Variants in HSPA12A observed in about 807,000 individuals in gnomAD.
The protein encoded by HSPA12A is heat shock protein family A (Hsp70) member 12A.
In HSPA12A, 28 loss-of-function variants were observed where a neutral mutation model predicts 69.2. The observed-to-expected ratio is 0.40, with a 90% confidence interval of 0.30 to 0.55. The LOEUF (loss-of-function observed/expected upper bound fraction) is 0.55. HSPA12A is among the 20% of genes least tolerant of loss of function. The pLI, the probability that HSPA12A is intolerant of heterozygous loss-of-function variation, is 0.38. For missense variants in HSPA12A, 686 were observed against 900.7 expected (o/e 0.76, Z 3.05); for synonymous variants, 345 against 370.5 (o/e 0.93, Z 0.79).
At position 116,732,741 on chromosome 10, in the gene HSPA12A, C is replaced by A. The variant is rs576197739; in HGVS notation, c.40+9689G>T. 2.6e-5 allele frequency among the ~76,000 whole-genome samples: 4 copies of A among 152,320 alleles called. No individual in the cohort carries two copies. In the East Asian group the frequency reaches 7.7e-4, roughly 29 times the overall value. ...TAAAATGTAACTCCTGCTGGAGGGACAAGTCATGAATTTGTTAACGGCAAG... is the reference window on the plus strand; with the variant it reads ...TAAAATGTAACTCCTGCTGGAGGGAAAAGTCATGAATTTGTTAACGGCAAG... On this transcript the variant is annotated intron_variant, in intron 1 of 11. Coordinates refer to ENST00000369209, the MANE Select transcript of HSPA12A (RefSeq NM_025015.3).
intron 5 of HSPA12A, among the ~76,000 whole-genome samples, chr10:116,694,491 C>G (rs931312719): frequency 3.3e-5 from 5 of 152,218 alleles, no homozygotes; most frequent in East Asian, 3.9e-4. Flanking sequence ...GAGGAATTCA[C>G]AAACAACCAC....
chr10:116,776,104 T>C (rs1844331500), intron 2 of HSPA12A, among the ~76,000 whole-genome samples: 1 of 152,164 alleles, frequency 6.6e-6, no homozygotes, highest in African/African-American at 2.4e-5. Context: ...CCAAGACAAG[T>C]GCCACTGCTC....
intron 6 of HSPA12A, among the ~76,000 whole-genome samples, chr10:116,687,606 G>A (rs1425294857): frequency 6.6e-6 from 1 of 152,036 alleles, no homozygotes; most frequent in African/African-American, 2.4e-5. Context: ...TTTCTCTCTG[G>A]GCAGGAGGAC....
chr10:116,747,878 A>T (rs1851684784), intron 2 of HSPA12A, among the ~76,000 whole-genome samples: 1 of 152,198 alleles, frequency 6.6e-6, no homozygotes, highest in Non-Finnish European at 1.5e-5. Context: ...GCGTGCCTGT[A>T]ATCTCAGCTA....
At chr10:116,843,270 A>C (rs1845832055) in intron 1 of HSPA12A, among the ~76,000 whole-genome samples, 1 of 152,214 alleles carries the variant, frequency 6.6e-6, no homozygotes, top group Non-Finnish European at 1.5e-5. Flanking sequence ...AGGCATAATC[A>C]CCTCAAAAGC....
chr10:116,719,742 C>T (rs1281448891), intron 1 of HSPA12A, among the ~76,000 whole-genome samples: 1 of 152,166 alleles, frequency 6.6e-6, no homozygotes, highest in Non-Finnish European at 1.5e-5. Context: ...CTCATATTAT[C>T]TTATTAAACA....
chr10:116,725,336 G>A (rs1255133220), intron 1 of HSPA12A, among the ~76,000 whole-genome samples: 4 of 152,158 alleles, frequency 2.6e-5, no homozygotes, highest in African/African-American at 7.2e-5. Flanking sequence ...CAGGCCTCAC[G>A]CTGGGCCTCC....
chr10:116,790,305 G>A (rs976673150), intron 2 of HSPA12A, among the ~76,000 whole-genome samples: 6 of 151,622 alleles, frequency 4.0e-5, no homozygotes, highest in African/African-American at 1.2e-4. Context: ...GGGTTTCACC[G>A]TGTTAGCCAG....
At chr10:116,749,686 G>C (rs1317236684) in intron 2 of HSPA12A, among the ~76,000 whole-genome samples, 2 of 152,136 alleles carry the variant, frequency 1.3e-5, no homozygotes, top group Non-Finnish European at 2.9e-5. Context: ...CTCTCCTCTC[G>C]CTTGACTCAT....
chr10:116,674,908 G>T lies in HSPA12A; in HGVS notation c.1901C>A (p.Thr634Asn), dbSNP rs1554877334. The T allele has an allele frequency of 6.2e-7, 1 of 1,614,180 alleles. No individual in the cohort carries two copies. ...GATCTCCCTCCGGGCGGGCACCGCA[G>T]TGCCACTGGTCCCTGTGAGATCCAG... ...LRLDLTGTSGTAVPARREIQT... is the reference protein window; with the variant it reads ...LRLDLTGTSGNAVPARREIQT... The change falls in exon 12 of 12, where the codon ACT becomes AAT. Residue 634 changes from threonine to asparagine, a missense_variant. Coordinates refer to ENST00000369209, the MANE Select transcript of HSPA12A (RefSeq NM_025015.3).
intron 2 of HSPA12A, among the ~76,000 whole-genome samples, chr10:116,827,722 C>T (rs973097902): frequency 6.6e-6 from 1 of 152,184 alleles, no homozygotes; most frequent in South Asian, 2.1e-4. Context: ...TGAAGTGCTC[C>T]GAACTGCCCC....
At chr10:116,750,479 G>T in intron 2 of HSPA12A, 1 of 526,370 alleles carries the variant, frequency 1.9e-6, no homozygotes, top group East Asian at 3.4e-5. Flanking sequence ...TAATGCAGAA[G>T]TGCATCGAAA....
intron 5 of HSPA12A, among the ~76,000 whole-genome samples, chr10:116,696,921 C>G (rs1402727835): frequency 6.6e-6 from 1 of 152,114 alleles, no homozygotes; most frequent in South Asian, 2.1e-4. Context: ...CACCCTGCCC[C>G]GAATCCACCT....
chr10:116,806,453 C>T (rs1325243656), intron 2 of HSPA12A, among the ~76,000 whole-genome samples: 1 of 152,124 alleles, frequency 6.6e-6, no homozygotes, highest in East Asian at 1.9e-4. Flanking sequence ...GCAGTCTACC[C>T]ACCTCGGCCT....
upstream of HSPA12A, among the ~76,000 whole-genome samples, chr10:116,744,777 A>G (rs1554887694): frequency 6.6e-6 from 1 of 152,214 alleles, no homozygotes; most frequent in Non-Finnish European, 1.5e-5. Flanking sequence ...AGGAGAGGAA[A>G]AGGAAGCATT....
chr10:116,738,392 A>G (rs1176549181), intron 1 of HSPA12A, among the ~76,000 whole-genome samples: 1 of 152,204 alleles, frequency 6.6e-6, no homozygotes, highest in Non-Finnish European at 1.5e-5. Context: ...AAAAATGGAA[A>G]TGAAAGACAT....
chr10:116,805,258 G>C (rs995080122), intron 2 of HSPA12A, among the ~76,000 whole-genome samples: 1 of 152,196 alleles, frequency 6.6e-6, no homozygotes, highest in Non-Finnish European at 1.5e-5. Flanking sequence ...GGAGCTTGCA[G>C]TGAGCCGAGA....
At chr10:116,796,252 C>T (rs1470596923) in intron 2 of HSPA12A, among the ~76,000 whole-genome samples, 1 of 151,768 alleles carries the variant, frequency 6.6e-6, no homozygotes, top group Non-Finnish European at 1.5e-5. Context: ...CTGGTACTTA[C>T]CAAGAACTCA....
intron 2 of HSPA12A, among the ~76,000 whole-genome samples, chr10:116,785,111 C>T (rs1249075328): frequency 1.3e-5 from 2 of 152,108 alleles, no homozygotes; most frequent in African/African-American, 2.4e-5. Context: ...TTGGGAGGGG[C>T]GTCCTGGAAA....
Sources: allele counts gnomAD v4.1 joint callset (sites outside exome capture counted in the v4.1 genomes callset), GRCh38; gene constraint gnomAD v4.1.1; transcripts MANE v1.5; gene names NCBI Gene and HGNC (gene_info 2026-07-23, HGNC 2026-07-21).